The following CADM2 variants were observed in gnomAD, a reference collection of about 807,000 sequenced individuals.
The protein encoded by CADM2 is immunoglobulin superfamily member 4D.
In CADM2, 12 loss-of-function variants were observed where a neutral mutation model predicts 49.8. That is an observed-to-expected ratio of 0.24 (90% CI 0.15 to 0.39). The LOEUF (loss-of-function observed/expected upper bound fraction) is 0.39. CADM2 is among the 10% of genes least tolerant of loss of function. The probability of loss-of-function intolerance (pLI) is 1.00; values close to 1 mark genes in which losing one functional copy is unlikely to be tolerated. For synonymous variants in CADM2, 214 were observed against 175.4 expected (o/e 1.22, Z -1.74); for missense variants, 378 against 492.3 (o/e 0.77, Z 2.20).
chr3:85,492,430 A>G (rs1481573190), intron 1 of CADM2, among the ~76,000 whole-genome samples: 1 of 152,034 alleles, frequency 6.6e-6, no homozygotes, highest in Non-Finnish European at 1.5e-5. Flanking sequence ...TGTCTCTACT[A>G]AAAACACAAA....
At chr3:85,688,275 CT>C (rs1446427326) in intron 1 of CADM2, among the ~76,000 whole-genome samples, 1 of 152,122 alleles carries the variant, frequency 6.6e-6, no homozygotes, top group Non-Finnish European at 1.5e-5. Context: ...AACATCTACC[CT>C]TTTTGAAAAT....
chr3:85,349,559 T>A lies in CADM2; in HGVS notation c.62-376963T>A, dbSNP rs1415037996. Among the ~76,000 whole-genome samples the A allele has an allele frequency of 2.0e-5, 3 of 152,186 alleles. No individual in the cohort carries two copies. In the East Asian group the frequency reaches 5.8e-4, roughly 29 times the overall value. On this transcript the variant is annotated intron_variant, in intron 1 of 9. Coordinates refer to ENST00000383699, the MANE Select transcript of CADM2 (RefSeq NM_001167675.2). Reference sequence around the variant, plus strand: ...ACAGTGCGAGAAAGAATTGTTCCTATCCGGTTTTGAGAATTACTTCATTTA... The same window carrying A: ...ACAGTGCGAGAAAGAATTGTTCCTAACCGGTTTTGAGAATTACTTCATTTA...
chr3:85,153,063 T>G (rs917204236), intron 1 of CADM2, among the ~76,000 whole-genome samples: 2 of 151,672 alleles, frequency 1.3e-5, no homozygotes, highest in African/African-American at 4.8e-5. Flanking sequence ...ATTTGAAAAT[T>G]AACACTGCGG....
At chr3:85,205,882 T>G (rs1021979525) in intron 1 of CADM2, among the ~76,000 whole-genome samples, 1 of 152,106 alleles carries the variant, frequency 6.6e-6, no homozygotes, top group African/African-American at 2.4e-5. Flanking sequence ...TGATATTGAA[T>G]CTCCATAGTA....
At chr3:85,344,120 A>G (rs1216758224) in intron 1 of CADM2, among the ~76,000 whole-genome samples, 1 of 152,162 alleles carries the variant, frequency 6.6e-6, no homozygotes, top group Non-Finnish European at 1.5e-5. Context: ...TCACGCCTGT[A>G]ATCCCAGAAC....
At chr3:85,701,023 T>C (rs1420890564) in intron 1 of CADM2, among the ~76,000 whole-genome samples, 1 of 151,912 alleles carries the variant, frequency 6.6e-6, no homozygotes, top group Non-Finnish European at 1.5e-5. Context: ...ATTTAAAAAG[T>C]AAAGAAACTT....
chr3:85,474,372 T>C (rs1315192767), intron 1 of CADM2, among the ~76,000 whole-genome samples: 2 of 152,090 alleles, frequency 1.3e-5, no homozygotes, highest in East Asian at 1.9e-4. Context: ...TTCTTTGTTC[T>C]GTTGAGAACA....
intron 1 of CADM2, among the ~76,000 whole-genome samples, chr3:84,999,386 C>T (rs1344509192): frequency 6.6e-6 from 1 of 152,084 alleles, no homozygotes; most frequent in Non-Finnish European, 1.5e-5. Flanking sequence ...TATCATTGAA[C>T]TCATGCCGAC....
intron 1 of CADM2, among the ~76,000 whole-genome samples, chr3:85,404,581 T>A (rs9309978): frequency 0.86 from 131,445 of 152,108 alleles, 56,944 homozygotes; most frequent in East Asian, 0.95. Flanking sequence ...TCAGGAAAAA[T>A]AATCAATCTA....
At chr3:85,692,316 A>G (rs1361863652) in intron 1 of CADM2, among the ~76,000 whole-genome samples, 9 of 152,120 alleles carry the variant, frequency 5.9e-5, no homozygotes, top group African/African-American at 1.9e-4. Flanking sequence ...TCTGGCCTAC[A>G]AGCCCTTATG....
intron 1 of CADM2, among the ~76,000 whole-genome samples, chr3:85,302,919 T>C (rs115274629): frequency 0.038 from 5,760 of 152,098 alleles, 158 homozygotes; most frequent in South Asian, 0.099. Flanking sequence ...ATATTAATCA[T>C]TGAAATCTGA....
At chr3:85,005,566 C>T (rs2033678199) in intron 1 of CADM2, among the ~76,000 whole-genome samples, 1 of 151,872 alleles carries the variant, frequency 6.6e-6, no homozygotes. Flanking sequence ...ATCCACTAGA[C>T]AATTAAAATA....
At chr3:86,057,897 C>T (rs1578083566) in intron 8 of CADM2, among the ~76,000 whole-genome samples, 1 of 152,138 alleles carries the variant, frequency 6.6e-6, no homozygotes, top group Non-Finnish European at 1.5e-5. Flanking sequence ...AACCAGCTCT[C>T]GTTCCCAAAA....
At chr3:85,892,152 A>G (rs1387819719) in intron 5 of CADM2, among the ~76,000 whole-genome samples, 4 of 152,226 alleles carry the variant, frequency 2.6e-5, no homozygotes, top group Non-Finnish European at 5.9e-5. Flanking sequence ...AGAGCTGGTA[A>G]GTACCTGAAC....
intron 1 of CADM2, among the ~76,000 whole-genome samples, chr3:85,553,619 C>T (rs1209949543): frequency 6.6e-6 from 1 of 152,094 alleles, no homozygotes; most frequent in African/African-American, 2.4e-5. Flanking sequence ...CTTTGGTGTA[C>T]ATAAGACTCC....
At chr3:85,845,756 A>G (rs1024633154) in intron 3 of CADM2, among the ~76,000 whole-genome samples, 1 of 152,192 alleles carries the variant, frequency 6.6e-6, no homozygotes, top group Non-Finnish European at 1.5e-5. Flanking sequence ...TGCCTTATAG[A>G]ATACTACAAC....
intron 1 of CADM2, among the ~76,000 whole-genome samples, chr3:85,085,698 T>C (rs889679982): frequency 6.6e-6 from 1 of 152,180 alleles, no homozygotes; most frequent in Non-Finnish European, 1.5e-5. Context: ...TTTCCAGAAT[T>C]CTTCATATCC....
chr3:85,478,230 T>A (rs2039064051), intron 1 of CADM2, among the ~76,000 whole-genome samples: 1 of 151,928 alleles, frequency 6.6e-6, no homozygotes, highest in South Asian at 2.1e-4. Context: ...AGTTCTCTAA[T>A]TTGAAATCTA....
At chr3:85,489,086 A>G (rs1022125290) in intron 1 of CADM2, among the ~76,000 whole-genome samples, 4 of 152,208 alleles carry the variant, frequency 2.6e-5, no homozygotes, top group African/African-American at 9.6e-5. Flanking sequence ...CAAATAAAAT[A>G]TCTTAGTTTT....
Sources: allele counts gnomAD v4.1 joint callset (sites outside exome capture counted in the v4.1 genomes callset), GRCh38; gene constraint gnomAD v4.1.1; transcripts MANE v1.5; gene names NCBI Gene and HGNC (gene_info 2026-07-23, HGNC 2026-07-21).